ZHX3: variants seen among roughly 807,000 people sequenced by gnomAD.
ZHX3 encodes the protein zinc fingers and homeoboxes 3, also known as zinc fingers and homeoboxes protein 3.
Under a neutral mutation model 64.5 loss-of-function variants are expected in ZHX3, and 20 were observed. The observed-to-expected ratio is 0.31, with a 90% CI of 0.22 to 0.45. The LOEUF is 0.45. Among genes scored for constraint, ZHX3 ranks in the 20% least tolerant of loss-of-function variants. The pLI, the probability that ZHX3 is intolerant of heterozygous loss-of-function variation, is 1.00. For missense variants in ZHX3, 1,041 were observed against 1,195.8 expected (o/e 0.87, Z 1.91); for synonymous variants, 423 against 461.6 (o/e 0.92, Z 1.07).
intron 1 of ZHX3, among the ~76,000 whole-genome samples, chr20:41,278,218 T>C (rs1451338896): frequency 7.3e-6 from 1 of 137,876 alleles, no homozygotes; most frequent in Admixed American, 7.3e-5. Context: ...GGGGTAACAC[T>C]TGTAGTCCCA....
At chr20:41,218,091 T>C (rs541511923) in intron 2 of ZHX3, among the ~76,000 whole-genome samples, 52 of 151,962 alleles carry the variant, frequency 3.4e-4, no homozygotes, top group Non-Finnish European at 6.8e-4. Flanking sequence ...AAGTGAGAGC[T>C]ATGGTTCCGT....
chr20:41,225,670 T>C (rs993273218), intron 2 of ZHX3, among the ~76,000 whole-genome samples: 3 of 152,140 alleles, frequency 2.0e-5, no homozygotes, highest in Admixed American at 1.3e-4. Context: ...GTACTTTTAG[T>C]AGAGACAGGG....
At chr20:41,287,961 A>G (rs576998538) in intron 1 of ZHX3, among the ~76,000 whole-genome samples, 1 of 152,346 alleles carries the variant, frequency 6.6e-6, no homozygotes, top group Admixed American at 6.5e-5. Context: ...ACACCACTCT[A>G]TATGCACTGT....
At chr20:41,282,703 G>A (rs6029608) in intron 1 of ZHX3, among the ~76,000 whole-genome samples, 87,535 of 151,974 alleles carry the variant, frequency 0.58, 26,455 homozygotes, top group East Asian at 0.82. Flanking sequence ...CCTTTAAATG[G>A]TGGCCAAATA....
chr20:41,203,187 GAGA>G lies in ZHX3; in HGVS notation c.1727_1729del (p.Phe576del), dbSNP rs757625741. 8 of 1,614,028 alleles carry G rather than the reference GAGA, an allele frequency of 5.0e-6. No homozygotes were observed. Among genetic ancestry groups the G allele is most frequent in the Non-Finnish European group, 5.9e-6 (7 of 1,180,044 alleles). On this transcript the variant is annotated inframe_deletion, in exon 3 of 4. Coordinates refer to ENST00000683867, the MANE Select transcript of ZHX3 (RefSeq NM_001384317.1). This position sits in a 1 kb window ranked among gnomAD's most constrained non-coding sequence, Gnocchi z 7.1. ...TACCTCAGGGACCTTGGACGATGGGGAGAAGGACACCTCTGGCACAGAGTCAAT... is the reference window on the plus strand; with the variant it reads ...TACCTCAGGGACCTTGGACGATGGGGAGGACACCTCTGGCACAGAGTCAAT...
chr20:41,247,093 T>C (rs920316549), intron 2 of ZHX3, among the ~76,000 whole-genome samples: 1 of 152,000 alleles, frequency 6.6e-6, no homozygotes, highest in African/African-American at 2.4e-5. Flanking sequence ...AAACCTTGTC[T>C]CTACAAAAAT....
At chr20:41,233,691 A>G (rs974785582) in intron 2 of ZHX3, among the ~76,000 whole-genome samples, 4 of 152,238 alleles carry the variant, frequency 2.6e-5, no homozygotes, top group African/African-American at 9.6e-5. Flanking sequence ...CCAAGAACAG[A>G]GGAAAAAGGC....
chr20:41,289,071 A>C (rs962699885), intron 1 of ZHX3, among the ~76,000 whole-genome samples: 1 of 152,122 alleles, frequency 6.6e-6, no homozygotes, highest in African/African-American at 2.4e-5. Context: ...CTTCCACGGC[A>C]ACCTCAACCT....
Position 41,202,058 on chromosome 20 carries a change from G to T in ZHX3, c.2859C>A (p.Leu953=), listed in dbSNP as rs779354860. 13 of 1,590,074 alleles carry T rather than the reference G, an allele frequency of 8.2e-6. 1 individual carries two copies. The South Asian group carries it at 1.5e-4, about 18-fold the overall frequency. ...CCATGGCCCCTGTGGACTCCTTACC[G>T]AGCTGACGTCCAGCCTGGGGACTCG... ...DTSSPQAGRQ[L]ETD Residue 953 remains leucine, a splice_region_variant and synonymous_variant, in exon 3 of 4, where the codon CTC becomes CTA. Coordinates refer to ENST00000683867, the MANE Select transcript of ZHX3 (RefSeq NM_001384317.1). The surrounding 1 kb of genome is among the most constrained non-coding windows in gnomAD (Gnocchi z 7.0).
intron 2 of ZHX3, among the ~76,000 whole-genome samples, chr20:41,255,727 C>A (rs374250580): frequency 9.2e-5 from 14 of 152,182 alleles, no homozygotes; most frequent in African/African-American, 3.4e-4. Context: ...TAGTGCCACT[C>A]TAGTTGTTTC....
intron 2 of ZHX3, among the ~76,000 whole-genome samples, chr20:41,259,517 A>C (rs1272869651): frequency 6.6e-6 from 1 of 152,182 alleles, no homozygotes; most frequent in Non-Finnish European, 1.5e-5. Context: ...ACTCCACACT[A>C]TGGAATACCC....
chr20:41,196,402 T>TTATATATATATA, intron 3 of ZHX3, among the ~76,000 whole-genome samples: 1 of 54,214 alleles, frequency 1.8e-5, no homozygotes, highest in Admixed American at 3.6e-4. Flanking sequence ...TTTATATATA[T>TTATATATATATA]TATATATTAT....
chr20:41,275,427 G>A (rs2043331822), intron 1 of ZHX3, among the ~76,000 whole-genome samples: 1 of 152,040 alleles, frequency 6.6e-6, no homozygotes, highest in Non-Finnish European at 1.5e-5. Context: ...AGTTGAAGAG[G>A]GCAAGGGAAA....
At chr20:41,294,124 C>T (rs1207629612) in intron 1 of ZHX3, among the ~76,000 whole-genome samples, 1 of 152,154 alleles carries the variant, frequency 6.6e-6, no homozygotes, top group African/African-American at 2.4e-5. Context: ...GACCACCTCC[C>T]AGGGAGTAGT....
chr20:41,296,872 G>C (rs531624765), intron 1 of ZHX3, among the ~76,000 whole-genome samples: 16 of 152,316 alleles, frequency 1.1e-4, no homozygotes, highest in African/African-American at 3.4e-4. Context: ...GTAGCCTCTT[G>C]ACACTTGATA....
At chr20:41,229,449 C>G (rs1028465485) in intron 2 of ZHX3, among the ~76,000 whole-genome samples, 1 of 152,120 alleles carries the variant, frequency 6.6e-6, no homozygotes, top group Admixed American at 6.6e-5. Flanking sequence ...CATGGTGATT[C>G]TATTTTTAAT....
chr20:41,184,911 G>A lies in ZHX3; in HGVS notation c.*280C>T, dbSNP rs776974739. 5 of 1,534,656 alleles carry A rather than the reference G, an allele frequency of 3.3e-6. No homozygotes were observed. The highest frequency in any genetic ancestry group is 4.4e-6 in the Non-Finnish European group (5 of 1,144,272). On this transcript the variant is annotated 3_prime_UTR_variant, in exon 4 of 4. Transcript: ENST00000683867. ...ATTCTGTGTCTATGAATATGACTAT[G>A]AACTCTGAACTATTTTATCCATTGG...
intron 2 of ZHX3, among the ~76,000 whole-genome samples, chr20:41,256,467 T>C (rs1387832425): frequency 6.6e-6 from 1 of 151,998 alleles, no homozygotes; most frequent in Admixed American, 6.6e-5. Flanking sequence ...AATTAGATTT[T>C]TTCCCCTCAT....
intron 1 of ZHX3, among the ~76,000 whole-genome samples, chr20:41,275,542 G>C (rs951023067): frequency 6.6e-6 from 1 of 152,214 alleles, no homozygotes; most frequent in Non-Finnish European, 1.5e-5. Flanking sequence ...CGAGAACTGG[G>C]TTAGGATAGA....
Sources: allele counts gnomAD v4.1 joint callset (sites outside exome capture counted in the v4.1 genomes callset), GRCh38; gene constraint gnomAD v4.1.1; non-coding constraint Gnocchi (gnomAD v3.1); transcripts MANE v1.5; gene names NCBI Gene and HGNC (gene_info 2026-07-23, HGNC 2026-07-21).